Variants in TIAM1 observed in about 807,000 individuals in gnomAD.
TIAM1 encodes the protein TIAM Rac1 associated GEF 1.
Under a neutral mutation model 163.5 loss-of-function variants are expected in TIAM1, and 65 were observed. That is an observed-to-expected ratio of 0.40 (90% CI 0.33 to 0.49). TIAM1 has a LOEUF of 0.49. Ranked by LOEUF, TIAM1 falls within the 20% of genes least tolerant of loss-of-function variation. The probability of loss-of-function intolerance (pLI) is 0.77; values close to 1 mark genes in which losing one functional copy is unlikely to be tolerated. For missense variants in TIAM1, 1,789 were observed against 2,044.7 expected (o/e 0.87, Z 2.41); for synonymous variants, 833 against 810.1 (o/e 1.03, Z -0.48).
chr21:31,403,731 G>A (rs761236523), intron 2 of TIAM1, among the ~76,000 whole-genome samples: 3 of 152,082 alleles, frequency 2.0e-5, no homozygotes, highest in Non-Finnish European at 4.4e-5. Flanking sequence ...AAATTGCTGG[G>A]GGCTGGAGAA....
intron 23 of TIAM1, among the ~76,000 whole-genome samples, chr21:31,132,937 C>A (rs926946526): frequency 2.0e-5 from 3 of 152,216 alleles, no homozygotes; most frequent in Non-Finnish European, 4.4e-5. Flanking sequence ...ACATTTGGTA[C>A]ACATGAGCCA....
In TIAM1 at chr21:31,151,276, C is replaced by A. The variant is rs145773864; in HGVS notation, c.3366+1360G>T. Reference sequence around the variant, plus strand: ...AAAACTTGTACACATATGTTCACAGCAGCTTTATTTGTAATTACCAAAAAC... The same window carrying A: ...AAAACTTGTACACATATGTTCACAGAAGCTTTATTTGTAATTACCAAAAAC... On this transcript the variant is annotated intron_variant, in intron 19 of 27. Coordinates refer to ENST00000541036, the MANE Select transcript of TIAM1 (RefSeq NM_001353694.2). 2.0e-5 allele frequency among the ~76,000 whole-genome samples: 3 copies of A among 152,304 alleles called. No individual in the cohort carries two copies. In the East Asian group the frequency reaches 5.8e-4, roughly 29 times the overall value.
At chr21:31,435,372 A>G (rs1348326935) in intron 2 of TIAM1, among the ~76,000 whole-genome samples, 1 of 152,252 alleles carries the variant, frequency 6.6e-6, no homozygotes, top group Non-Finnish European at 1.5e-5. Context: ...ATACATGCTT[A>G]TAAGGTCACA....
intron 2 of TIAM1, among the ~76,000 whole-genome samples, chr21:31,357,069 T>C (rs894915410): frequency 6.6e-5 from 10 of 152,224 alleles, no homozygotes; most frequent in Admixed American, 5.9e-4. Context: ...CTTGGTCATA[T>C]CCTTTTGGCA....
At chr21:31,438,444 A>G (rs1569331776) in intron 2 of TIAM1, among the ~76,000 whole-genome samples, 1 of 151,912 alleles carries the variant, frequency 6.6e-6, no homozygotes, top group Non-Finnish European at 1.5e-5. Flanking sequence ...CACCCACCTC[A>G]GTCTCCCAAA....
intron 2 of TIAM1, among the ~76,000 whole-genome samples, chr21:31,295,200 G>A (rs1191471208): frequency 3.3e-5 from 5 of 152,184 alleles, no homozygotes; most frequent in African/African-American, 7.2e-5. Flanking sequence ...GCCAGGTGCG[G>A]TGGCTTACGC....
chr21:31,526,827 A>T (rs1431899216), intron 1 of TIAM1, among the ~76,000 whole-genome samples: 2 of 152,064 alleles, frequency 1.3e-5, no homozygotes, highest in Admixed American at 1.3e-4. Flanking sequence ...TCAACCTCCC[A>T]AGTAGCTGGG....
intron 2 of TIAM1, among the ~76,000 whole-genome samples, chr21:31,429,806 T>G (rs2043934570): frequency 2.0e-5 from 2 of 98,568 alleles, no homozygotes; most frequent in African/African-American, 4.2e-5. Flanking sequence ...AGACATGGGC[T>G]CCACCGCGAA....
intron 26 of TIAM1, among the ~76,000 whole-genome samples, chr21:31,125,360 C>T (rs1473232155): frequency 6.6e-6 from 1 of 151,996 alleles, no homozygotes; most frequent in African/African-American, 2.4e-5. Flanking sequence ...CTACTAAACC[C>T]CATGGACCTT....
chr21:31,155,841 T>TTCTCTCTCTGCTTCTATTG (rs903494794), intron 16 of TIAM1, among the ~76,000 whole-genome samples: 2 of 152,196 alleles, frequency 1.3e-5, no homozygotes, highest in Non-Finnish European at 2.9e-5. Context: ...CTTCTCACGC[T>TTCTCTCTCTGCTTCTATTG]TCTCTCTCTG....
intron 23 of TIAM1, among the ~76,000 whole-genome samples, chr21:31,133,651 C>A (rs541703902): frequency 6.6e-6 from 1 of 152,396 alleles, no homozygotes; most frequent in South Asian, 2.1e-4. Flanking sequence ...CTGCTGCCAC[C>A]TGTGTGGTGC....
At chr21:31,240,525 T>C (rs1259448000) in intron 6 of TIAM1, among the ~76,000 whole-genome samples, 1 of 152,134 alleles carries the variant, frequency 6.6e-6, no homozygotes, top group African/African-American at 2.4e-5. Context: ...GAACTAAACA[T>C]GGCATTCCAA....
chr21:31,120,528 C>T lies in TIAM1; in HGVS notation c.4616G>A (p.Gly1539Asp), dbSNP rs34393355. Residue 1539 changes from glycine to aspartate, a missense_variant, in exon 28 of 28, where the codon GGC becomes GAC. Transcript: ENST00000541036. This position sits in a 1 kb window ranked among gnomAD's most constrained non-coding sequence, Gnocchi z 4.2. Reference protein sequence around the residue: ...QATSISQRERGRKTLDSHASR... With the variant: ...QATSISQRERDRKTLDSHASR... Reference sequence around the variant, plus strand: ...CGCGTGACTATCCAGGGTTTTCCGGCCTCTTTCCCGCTGACTGATGGAGGT... The same window carrying T: ...CGCGTGACTATCCAGGGTTTTCCGGTCTCTTTCCCGCTGACTGATGGAGGT... 1,076 of 1,614,224 alleles carry T rather than the reference C, an allele frequency of 6.7e-4. 11 individuals are homozygous for T. In the African/African-American group the frequency reaches 0.013, roughly 20 times the overall value.
At position 31,120,535 on chromosome 21, in the gene TIAM1, C is replaced by T; in HGVS notation, c.4609G>A (p.Glu1537Lys). 1 of 1,614,212 alleles carries T rather than the reference C, an allele frequency of 6.2e-7. No individual in the cohort carries two copies. Among genetic ancestry groups the T allele is most frequent in the African/African-American group, 1.3e-5 (1 of 75,054 alleles). The change falls in exon 28 of 28, where the codon GAA (glutamate) becomes AAA (lysine). Residue 1537 changes from glutamate (E) to lysine (K), a missense_variant. By Grantham distance (56) the Glu-to-Lys change is moderately conservative. Coordinates refer to ENST00000541036, the MANE Select transcript of TIAM1 (RefSeq NM_001353694.2). The surrounding 1 kb of genome is among the most constrained non-coding windows in gnomAD (Gnocchi z 4.2). ...RLQATSISQR[E>K]RGRKTLDSHA... ...CTATCCAGGGTTTTCCGGCCTCTTT[C>T]CCGCTGACTGATGGAGGTGGCCTGA...
intron 26 of TIAM1, among the ~76,000 whole-genome samples, chr21:31,126,383 A>G (rs972377607): frequency 3.3e-5 from 5 of 152,094 alleles, no homozygotes; most frequent in African/African-American, 1.2e-4. Flanking sequence ...CCTGGCTAAC[A>G]TGGTGAAACC....
Position 31,147,014 on chromosome 21 carries a change from C to G in TIAM1, c.3367-11G>C, listed in dbSNP as rs774206497. 1.9e-6 allele frequency: 3 copies of G among 1,609,168 alleles called. No individual in the cohort carries two copies. The African/African-American group carries it at 4.0e-5, about 22-fold the overall frequency. On this transcript the variant is annotated splice_polypyrimidine_tract_variant and intron_variant, in intron 19 of 27. Transcript: ENST00000541036. ...AGAGAACAGCACTTTCTGGATTTGA[C>G]GAGAAAAGGCACAGTTGGTTGTTTC...
upstream of TIAM1, among the ~76,000 whole-genome samples, chr21:31,346,634 G>A (rs982539061): frequency 6.6e-6 from 1 of 152,200 alleles, no homozygotes; most frequent in African/African-American, 2.4e-5. Flanking sequence ...CAGCCCCATC[G>A]AGGCCCATCA....
Position 31,119,505 on chromosome 21 carries a change from T to C in TIAM1, c.*863A>G, listed in dbSNP as rs914040652. 5.2e-5 allele frequency: 8 copies of C among 152,414 alleles called. No individual in the cohort carries two copies. The East Asian group carries it at 1.2e-3, about 22-fold the overall frequency. 9.4% of individuals were successfully genotyped at this position (152,414 alleles called of 1,614,324 possible). On this transcript the variant is annotated 3_prime_UTR_variant, in exon 28 of 28. Coordinates refer to ENST00000541036, the MANE Select transcript of TIAM1 (RefSeq NM_001353694.2). Reference sequence around the variant, plus strand: ...AAATCCGCTTTTTGGAAGAAAAGTATATCCTTCGCATGAGCTTGCTGGCCT... The same window carrying C: ...AAATCCGCTTTTTGGAAGAAAAGTACATCCTTCGCATGAGCTTGCTGGCCT...
chr21:31,542,164 G>A lies in TIAM1; in HGVS notation c.-422+16763C>T, dbSNP rs187121100. ...CAGCAGGCCAGGTGCGGTGGCTCAC[G>A]CCTGTAATCCCAGCACTTTGGGAGG... On this transcript the variant is annotated intron_variant, in intron 1 of 28. Coordinates refer to the TIAM1 transcript ENST00000286827. 1.0e-3 allele frequency among the ~76,000 whole-genome samples: 159 copies of A among 152,258 alleles called. 1 individual carries two copies. The highest frequency in any genetic ancestry group is 3.7e-3 in the African/African-American group (153 of 41,560).
Sources: gnomAD v4.1 joint callset for allele counts (sites outside exome capture counted in the v4.1 genomes callset) on GRCh38, gnomAD v4.1.1 for gene constraint, Gnocchi (gnomAD v3.1) non-coding constraint, MANE v1.5 for transcripts, NCBI Gene and HGNC (gene_info 2026-07-23, HGNC 2026-07-21) for gene names.